Variants in CADM2 observed in about 807,000 individuals in gnomAD.
CADM2 encodes immunoglobulin superfamily member 4D.
In CADM2, 12 loss-of-function variants were observed where a neutral mutation model predicts 49.8. The observed-to-expected ratio is 0.24, with a 90% confidence interval of 0.15 to 0.39. The LOEUF (loss-of-function observed/expected upper bound fraction) is 0.39, where lower values mean the gene tolerates loss of function less well. CADM2 is among the 10% of genes least tolerant of loss of function. The pLI, the probability that CADM2 is intolerant of heterozygous loss-of-function variation, is 1.00. For missense variants in CADM2, 378 were observed against 492.3 expected (o/e 0.77, Z 2.20); for synonymous variants, 214 against 175.4 (o/e 1.22, Z -1.74).
At chr3:84,960,065 T>C in intron 1 of CADM2, 1 of 281,954 alleles carries the variant, frequency 3.5e-6, no homozygotes, top group Non-Finnish European at 6.7e-6. Context: ...CCTCTCCATC[T>C]CTTGTCATCT....
At chr3:85,223,093 A>C (rs2042076724) in intron 1 of CADM2, among the ~76,000 whole-genome samples, 1 of 152,180 alleles carries the variant, frequency 6.6e-6, no homozygotes, top group South Asian at 2.1e-4. Flanking sequence ...CCTGGCACTC[A>C]ATAAATGACA....
intron 1 of CADM2, among the ~76,000 whole-genome samples, chr3:85,317,054 GAGA>G (rs2044482039): frequency 6.6e-6 from 1 of 152,072 alleles, no homozygotes; most frequent in African/African-American, 2.4e-5. Flanking sequence ...GAGTACCATG[GAGA>G]TGTGGCAAGA....
chr3:85,824,291 C>T (rs894296715), intron 3 of CADM2, among the ~76,000 whole-genome samples: 1 of 152,126 alleles, frequency 6.6e-6, no homozygotes, highest in Non-Finnish European at 1.5e-5. Context: ...TCTGATGTCA[C>T]TCATAGCCTT....
chr3:85,464,008 T>C (rs1423441575), intron 1 of CADM2, among the ~76,000 whole-genome samples: 1 of 152,176 alleles, frequency 6.6e-6, no homozygotes. Flanking sequence ...TTCTGTTTTT[T>C]AAGTGATCAA....
intron 1 of CADM2, among the ~76,000 whole-genome samples, chr3:85,266,954 A>AT (rs1394780041): frequency 6.6e-6 from 1 of 151,900 alleles, no homozygotes; most frequent in Non-Finnish European, 1.5e-5. Flanking sequence ...CCAATGTATT[A>AT]GAGAATTTTT....
intron 1 of CADM2, among the ~76,000 whole-genome samples, chr3:85,288,784 GC>G (rs60466682): frequency 0.2 from 17,293 of 88,028 alleles, 2,483 homozygotes; most frequent in South Asian, 0.25. Flanking sequence ...TTACCAATAT[GC>G]CCCCCCCCCC....
At chr3:85,100,197 T>C (rs1231251659) in intron 1 of CADM2, among the ~76,000 whole-genome samples, 1 of 152,218 alleles carries the variant, frequency 6.6e-6, no homozygotes, top group Non-Finnish European at 1.5e-5. Flanking sequence ...TATCTAAATA[T>C]TCTTTTGGAA....
chr3:85,051,507 A>G (rs57795594), intron 1 of CADM2, among the ~76,000 whole-genome samples: 1,621 of 152,284 alleles, frequency 0.011, 37 homozygotes, highest in African/African-American at 0.037. Flanking sequence ...TGAAATGAAT[A>G]TCCAAGATCC....
At chr3:85,830,813 A>T (rs2074149264) in intron 3 of CADM2, among the ~76,000 whole-genome samples, 3 of 146,828 alleles carry the variant, frequency 2.0e-5, no homozygotes, top group African/African-American at 7.4e-5. Flanking sequence ...TTATTTATTT[A>T]TTTATTTATT....
chr3:85,136,046 T>A (rs2039406779), intron 1 of CADM2, among the ~76,000 whole-genome samples: 1 of 152,012 alleles, frequency 6.6e-6, no homozygotes, highest in South Asian at 2.1e-4. Context: ...TGGTTTCAAG[T>A]ATCGTTGTCT....
chr3:85,554,312 T>C (rs7652683), intron 1 of CADM2, among the ~76,000 whole-genome samples: 106,991 of 152,022 alleles, frequency 0.7, 38,051 homozygotes, highest in East Asian at 0.93. Context: ...TGACAGGAGG[T>C]GGAGTTCAGG....
rs576128675 is a variant in CADM2, at chr3:85,438,144, A to C, written c.62-288378A>C. The stretch of plus-strand genomic sequence containing the variant: ...TCTTATTTATTTATTGCTTACTATT[A>C]GTCTTTGATCATATTTCTAATCACT... On this transcript the variant is annotated intron_variant, in intron 1 of 9. Coordinates refer to ENST00000383699, the MANE Select transcript of CADM2 (RefSeq NM_001167675.2). Among the ~76,000 whole-genome samples the C allele has an allele frequency of 2.6e-5, 4 of 152,196 alleles. No homozygotes were observed. In the East Asian group the frequency reaches 7.7e-4, roughly 29 times the overall value.
At position 86,000,368 on chromosome 3, in the gene CADM2, T is replaced by C. The variant is rs187144738; in HGVS notation, c.970+38721T>C. ...TTACCATGTTTCCTGAAAAAGATTT[T>C]CTCATTCATTCCTTGAATAATTATT... On this transcript the variant is annotated intron_variant, in intron 8 of 9. Coordinates refer to ENST00000383699, the MANE Select transcript of CADM2 (RefSeq NM_001167675.2). Among the ~76,000 whole-genome samples the C allele has an allele frequency of 3.1e-3, 465 of 152,334 alleles. 3 individuals are homozygous for C. Among genetic ancestry groups the C allele is most frequent in the African/African-American group, 0.011 (457 of 41,588 alleles).
chr3:85,929,473 A>G (rs993403992), intron 6 of CADM2, among the ~76,000 whole-genome samples: 1 of 152,006 alleles, frequency 6.6e-6, no homozygotes, highest in South Asian at 2.1e-4. Flanking sequence ...AGTTTGGATG[A>G]TGCACTATTT....
Position 86,062,984 on chromosome 3 carries a change from G to A in CADM2, c.971-2621G>A, listed in dbSNP as rs17024802. On this transcript the variant is annotated intron_variant, in intron 8 of 9. Transcript: ENST00000383699. ...CACAAATCACTTTGTTTAATCAACT[G>A]TAACAGAGACTGGAAAATGCCTAGT... is the stretch of plus-strand genomic sequence containing the variant. Among the ~76,000 whole-genome samples, 1,243 of 152,160 alleles carry A rather than the reference G, an allele frequency of 8.2e-3. 18 individuals carry two copies. Among genetic ancestry groups the A allele is most frequent in the African/African-American group, 0.026 (1,094 of 41,522 alleles).
At chr3:85,983,794 C>T (rs376485371) in intron 8 of CADM2, among the ~76,000 whole-genome samples, 7 of 150,026 alleles carry the variant, frequency 4.7e-5, no homozygotes, top group African/African-American at 1.5e-4. Flanking sequence ...TGTCTATCTA[C>T]CTATCTATCT....
At chr3:85,951,734 C>T (rs9784262) in intron 7 of CADM2, among the ~76,000 whole-genome samples, 5,062 of 151,054 alleles carry the variant, frequency 0.034, 285 homozygotes, top group African/African-American at 0.12. Flanking sequence ...CATGTGCACA[C>T]TTGCATGATG....
intron 1 of CADM2, among the ~76,000 whole-genome samples, chr3:85,269,217 A>G (rs2043183220): frequency 1.3e-5 from 2 of 151,418 alleles, no homozygotes; most frequent in South Asian, 4.1e-4. Flanking sequence ...TAATTTGATT[A>G]TTTCACTCTA....
chr3:85,935,904 T>C lies in CADM2; in HGVS notation c.791+47T>C, dbSNP rs185883315. ...AAAGCTTTTAACTTTTTTTCTTTTA[T>C]CTTGCTTTGATTACAGCCTTTAACT... On this transcript the variant is annotated intron_variant, in intron 7 of 9. Transcript: ENST00000383699. 7 of 1,175,972 alleles carry C rather than the reference T, an allele frequency of 6.0e-6. No homozygotes were observed. In the Admixed American group the frequency reaches 1.3e-4, roughly 22 times the overall value. The allele number at this position is 1,175,972 out of a possible 1,614,324, so 72.8% of individuals were successfully genotyped here.
Sources: gnomAD v4.1 joint callset for allele counts (sites outside exome capture counted in the v4.1 genomes callset) on GRCh38, gnomAD v4.1.1 for gene constraint, MANE v1.5 for transcripts, NCBI Gene and HGNC (gene_info 2026-07-23, HGNC 2026-07-21) for gene names.